Variants in LRRC4C observed in about 807,000 individuals in gnomAD.
The protein encoded by LRRC4C is leucine rich repeat containing 4C.
LRRC4C carries 5 observed loss-of-function variants against 33.6 expected under a neutral mutation model. That is an observed-to-expected ratio of 0.15 (90% CI 0.08 to 0.31). The LOEUF (loss-of-function observed/expected upper bound fraction) is 0.31. Among genes scored for constraint, LRRC4C ranks in the 10% least tolerant of loss-of-function variants. The pLI is 1.00. For synonymous variants in LRRC4C, 329 were observed against 302.0 expected (o/e 1.09, Z -0.93); for missense variants, 560 against 796.7 (o/e 0.70, Z 3.58).
At chr11:41,281,078 C>CTT (rs1491428513) in intron 1 of LRRC4C, among the ~76,000 whole-genome samples, 1 of 83,118 alleles carries the variant, frequency 1.2e-5, no homozygotes, top group Admixed American at 1.6e-4. Context: ...CTCTCTCTGT[C>CTT]CTCTCTCTCT....
At chr11:41,265,124 T>C (rs1949106228) in intron 1 of LRRC4C, among the ~76,000 whole-genome samples, 2 of 152,156 alleles carry the variant, frequency 1.3e-5, no homozygotes, top group African/African-American at 2.4e-5. Context: ...AGTCAATATG[T>C]GACTAAACAC....
chr11:40,248,680 G>A (rs1410547919), intron 4 of LRRC4C, among the ~76,000 whole-genome samples: 1 of 152,084 alleles, frequency 6.6e-6, no homozygotes, highest in Admixed American at 6.6e-5. Flanking sequence ...TGGTCTGGGT[G>A]ACAGAGTAAG....
chr11:40,978,855 C>T (rs1446898170), intron 1 of LRRC4C, among the ~76,000 whole-genome samples: 3 of 151,962 alleles, frequency 2.0e-5, no homozygotes, highest in African/African-American at 4.8e-5. Context: ...TAGTTTCCAA[C>T]TCCTGATCTC....
intron 2 of LRRC4C, among the ~76,000 whole-genome samples, chr11:40,807,816 A>T (rs2135353789): frequency 6.6e-6 from 1 of 152,324 alleles, no homozygotes; most frequent in Non-Finnish European, 1.5e-5. Context: ...CTTAAGACAA[A>T]GCTTTGATTT....
At chr11:41,184,660 C>A (rs893971961) in intron 1 of LRRC4C, among the ~76,000 whole-genome samples, 19 of 152,048 alleles carry the variant, frequency 1.2e-4, no homozygotes, top group Admixed American at 7.2e-4. Flanking sequence ...CTAAACCCTC[C>A]AAACTGTTCC....
chr11:40,535,364 C>T (rs1270922054), intron 3 of LRRC4C, among the ~76,000 whole-genome samples: 1 of 152,096 alleles, frequency 6.6e-6, no homozygotes, highest in African/African-American at 2.4e-5. Context: ...GTTAGAGAGA[C>T]ACATCAGCTC....
At chr11:40,465,076 A>G (rs1952587113) in intron 3 of LRRC4C, among the ~76,000 whole-genome samples, 2 of 152,204 alleles carry the variant, frequency 1.3e-5, no homozygotes, top group East Asian at 1.9e-4. Flanking sequence ...ACTAGAATAT[A>G]GTAACTAAAA....
chr11:40,333,922 AAGG>A (rs2136955243), intron 3 of LRRC4C, among the ~76,000 whole-genome samples: 1 of 152,020 alleles, frequency 6.6e-6, no homozygotes, highest in East Asian at 1.9e-4. Flanking sequence ...GGAAGGAAAA[AAGG>A]AGGAAAGGAA....
intron 3 of LRRC4C, among the ~76,000 whole-genome samples, chr11:40,396,539 A>G (rs993830359): frequency 2.6e-5 from 4 of 152,100 alleles, no homozygotes; most frequent in African/African-American, 9.7e-5. Context: ...GATGGAGAGG[A>G]ATTAGGAGAA....
At chr11:40,335,255 A>G (rs1315000957) in intron 3 of LRRC4C, among the ~76,000 whole-genome samples, 1 of 152,180 alleles carries the variant, frequency 6.6e-6, no homozygotes, top group Non-Finnish European at 1.5e-5. Context: ...TATTTTTATT[A>G]TATCAAGGAA....
In LRRC4C at chr11:40,591,362, A is replaced by G. The variant is rs559164438; in HGVS notation, c.-270+56780T>C. ...TGGTGCACGGTGCACGGACCCACTG[A>G]CCTGCGCCCACTGTCTGGCACTCCC... On this transcript the variant is annotated intron_variant, in intron 3 of 6. Transcript: ENST00000528697. 3.6e-4 allele frequency among the ~76,000 whole-genome samples: 55 copies of G among 152,172 alleles called. 1 individual carries two copies. The South Asian group carries it at 0.011, about 30-fold the overall frequency.
At chr11:41,116,462 A>G (rs1942130957) in intron 1 of LRRC4C, among the ~76,000 whole-genome samples, 1 of 152,176 alleles carries the variant, frequency 6.6e-6, no homozygotes, top group Admixed American at 6.6e-5. Context: ...GGCTGATCCT[A>G]GAACAGAGAA....
At chr11:40,815,921 T>C (rs529181165) in intron 2 of LRRC4C, among the ~76,000 whole-genome samples, 1 of 152,360 alleles carries the variant, frequency 6.6e-6, no homozygotes, top group East Asian at 1.9e-4. Flanking sequence ...CATATCTTTC[T>C]TAATAGAATA....
chr11:40,559,081 C>T (rs904187293), intron 3 of LRRC4C, among the ~76,000 whole-genome samples: 21 of 152,024 alleles, frequency 1.4e-4, no homozygotes, highest in Admixed American at 8.5e-4. Flanking sequence ...TTTATATGTA[C>T]CACATTTTCT....
chr11:41,174,485 A>T (rs1373996232), intron 1 of LRRC4C, among the ~76,000 whole-genome samples: 2 of 152,088 alleles, frequency 1.3e-5, no homozygotes, highest in Non-Finnish European at 2.9e-5. Context: ...AATAATAAAT[A>T]AAAATATAAG....
At chr11:40,951,812 G>C (rs1255649319) in intron 1 of LRRC4C, among the ~76,000 whole-genome samples, 1 of 151,894 alleles carries the variant, frequency 6.6e-6, no homozygotes, top group African/African-American at 2.4e-5. Flanking sequence ...ATAAAATACA[G>C]TCAGTCACTT....
chr11:40,336,021 CAT>C (rs2136969762), intron 3 of LRRC4C, among the ~76,000 whole-genome samples: 1 of 152,300 alleles, frequency 6.6e-6, no homozygotes, highest in African/African-American at 2.4e-5. Flanking sequence ...GTGCCTGACA[CAT>C]ACTAAGCATT....
At chr11:40,685,428 T>C (rs1401888300) in intron 2 of LRRC4C, among the ~76,000 whole-genome samples, 2 of 151,962 alleles carry the variant, frequency 1.3e-5, no homozygotes, top group East Asian at 3.9e-4. Flanking sequence ...AAATAAAATG[T>C]GATAATCAGA....
At chr11:40,906,822 A>G (rs1956441361) in intron 2 of LRRC4C, among the ~76,000 whole-genome samples, 1 of 152,198 alleles carries the variant, frequency 6.6e-6, no homozygotes, top group Non-Finnish European at 1.5e-5. Flanking sequence ...CTATACATAT[A>G]CATTATTCAC....
Sources: allele counts gnomAD v4.1 joint callset (sites outside exome capture counted in the v4.1 genomes callset), GRCh38; gene constraint gnomAD v4.1.1; transcripts MANE v1.5; gene names NCBI Gene and HGNC (gene_info 2026-07-23, HGNC 2026-07-21).